Variants in SEPTIN11 observed in about 807,000 individuals in gnomAD.
The protein encoded by SEPTIN11 is septin-11.
SEPTIN11 carries 25 observed loss-of-function variants against 51.4 expected under a neutral mutation model. The observed-to-expected ratio is 0.49, with a 90% confidence interval of 0.35 to 0.68. The LOEUF (loss-of-function observed/expected upper bound fraction) is 0.68, where lower values mean the gene tolerates loss of function less well. Ranked by LOEUF, SEPTIN11 falls within the 30% of genes least tolerant of loss-of-function variation. The probability of loss-of-function intolerance (pLI) is 0.00; values close to 1 mark genes in which losing one functional copy is unlikely to be tolerated. For synonymous variants in SEPTIN11, 174 were observed against 184.1 expected, an observed-to-expected ratio of 0.95 and a Z score of 0.44; for missense variants, 381 against 520.8, an observed-to-expected ratio of 0.73 and a Z score of 2.61.
At chr4:76,980,938 A>T (rs780995865) in intron 1 of SEPTIN11, among the ~76,000 whole-genome samples, 5 of 152,222 alleles carry the variant, frequency 3.3e-5, no homozygotes, top group Non-Finnish European at 7.3e-5. Context: ...ATTTTAGCTT[A>T]ATGCTTCCCT....
At chr4:77,038,998 G>A (rs1727220127), downstream of SEPTIN11, 2 of 999,508 alleles carry the variant, frequency 2.0e-6, no homozygotes, top group South Asian at 2.7e-5. Context: ...GCTTGTTGTA[G>A]AGAAGCTCCT....
intron 2 of SEPTIN11, among the ~76,000 whole-genome samples, chr4:76,996,780 A>G (rs1259037994): frequency 1.3e-5 from 2 of 152,200 alleles, no homozygotes; most frequent in Non-Finnish European, 2.9e-5. Context: ...TTTCTGTCAC[A>G]CAGTTAAGCA....
chr4:76,989,916 G>C (rs1723264944), intron 1 of SEPTIN11, among the ~76,000 whole-genome samples: 1 of 152,184 alleles, frequency 6.6e-6, no homozygotes, highest in Non-Finnish European at 1.5e-5. Flanking sequence ...TGGTCTTGCT[G>C]ACTTCAAGAA....
chr4:77,025,099 G>A (rs1260159035), intron 7 of SEPTIN11, among the ~76,000 whole-genome samples: 1 of 143,472 alleles, frequency 7.0e-6, no homozygotes, highest in African/African-American at 2.5e-5. Flanking sequence ...TCTCCCAAGG[G>A]CTGTTAAGAG....
chr4:76,965,254 C>T (rs908394978), intron 1 of SEPTIN11, among the ~76,000 whole-genome samples: 1 of 151,952 alleles, frequency 6.6e-6, no homozygotes, highest in Non-Finnish European at 1.5e-5. Flanking sequence ...AGTTCGAGAC[C>T]AGCCTGGCCA....
At chr4:77,000,373 T>G (rs1003972001) in intron 2 of SEPTIN11, among the ~76,000 whole-genome samples, 1 of 152,216 alleles carries the variant, frequency 6.6e-6, no homozygotes, top group African/African-American at 2.4e-5. Context: ...AAATGGCTTA[T>G]AGGGTAAAAC....
chr4:76,970,700 G>A (rs1403883764), intron 1 of SEPTIN11, among the ~76,000 whole-genome samples: 1 of 152,234 alleles, frequency 6.6e-6, no homozygotes, highest in East Asian at 1.9e-4. Flanking sequence ...GGATTGGACA[G>A]AGTGTAATAT....
chr4:76,951,631 T>C (rs1721353986), intron 1 of SEPTIN11, among the ~76,000 whole-genome samples: 1 of 152,220 alleles, frequency 6.6e-6, no homozygotes, highest in African/African-American at 2.4e-5. Context: ...ACGTTTAGGA[T>C]TGCAAATATT....
At chr4:76,967,291 G>A (rs573941138) in intron 1 of SEPTIN11, among the ~76,000 whole-genome samples, 2 of 152,252 alleles carry the variant, frequency 1.3e-5, no homozygotes, top group East Asian at 3.9e-4. Flanking sequence ...ATGGCCAATG[G>A]TTTATACACA....
chr4:76,997,728 T>G (rs1475664836), intron 2 of SEPTIN11, among the ~76,000 whole-genome samples: 1 of 152,176 alleles, frequency 6.6e-6, no homozygotes, highest in Non-Finnish European at 1.5e-5. Context: ...TTCTACAGAG[T>G]GGCGTGAATG....
intron 7 of SEPTIN11, 183 bp downstream of exon 7, chr4:77,020,853 C>A: frequency 1.7e-6 from 1 of 588,992 alleles, no homozygotes; most frequent in Non-Finnish European, 2.9e-6. Flanking sequence ...AACTAACTTA[C>A]CTAGTTGATG....
intron 1 of SEPTIN11, among the ~76,000 whole-genome samples, chr4:76,965,002 T>G (rs772564822): frequency 6.6e-6 from 1 of 152,166 alleles, no homozygotes; most frequent in Non-Finnish European, 1.5e-5. Context: ...ATTCACTGAG[T>G]TAAAACTTGG....
intron 1 of SEPTIN11, chr4:76,973,181 A>T (rs1054613495): frequency 2.0e-5 from 3 of 152,150 alleles, no homozygotes; most frequent in African/African-American, 7.2e-5. Flanking sequence ...TTATCACTCA[A>T]AGCCTGTGTG....
At chr4:76,956,543 A>G (rs1271030630) in intron 1 of SEPTIN11, among the ~76,000 whole-genome samples, 2 of 152,212 alleles carry the variant, frequency 1.3e-5, no homozygotes, top group African/African-American at 4.8e-5. Context: ...TCTGCTGCAT[A>G]CTGCATTGCC....
intron 2 of SEPTIN11, among the ~76,000 whole-genome samples, chr4:77,000,526 G>T (rs1352630474): frequency 6.6e-6 from 1 of 152,198 alleles, no homozygotes; most frequent in Non-Finnish European, 1.5e-5. Flanking sequence ...AGAGCATGGA[G>T]AAAATTTATT....
intron 5 of SEPTIN11, among the ~76,000 whole-genome samples, chr4:77,016,633 C>CACACATATATATATATATATATAT (rs1375044162): frequency 5.1e-4 from 37 of 72,742 alleles, no homozygotes; most frequent in South Asian, 1.3e-3. Flanking sequence ...TATATATACA[C>CACACATATATATATATATATATAT]ATATATATAT....
At chr4:77,038,664 A>C, downstream of SEPTIN11, 5 of 1,006,146 alleles carry the variant, frequency 5.0e-6, no homozygotes, top group Non-Finnish European at 5.9e-6. Flanking sequence ...CTTGGTTTGC[A>C]TATGTACACG....
downstream of SEPTIN11, chr4:77,038,626 C>G: frequency 2.0e-6 from 2 of 994,778 alleles, no homozygotes; most frequent in Non-Finnish European, 2.4e-6. Context: ...TTTGTGTGCC[C>G]TTTTTTGTGA....
intron 1 of SEPTIN11, chr4:76,974,703 G>A (rs2109906510): frequency 2.0e-5 from 9 of 455,770 alleles, no homozygotes; most frequent in South Asian, 1.4e-4. Flanking sequence ...TAGGACCCTG[G>A]ACACTGGTTT....
Sources: allele counts gnomAD v4.1 joint callset (sites outside exome capture counted in the v4.1 genomes callset), GRCh38; gene constraint gnomAD v4.1.1; transcripts MANE v1.5; gene names NCBI Gene and HGNC (gene_info 2026-07-23, HGNC 2026-07-21).